Variants in ANKH observed in about 807,000 individuals in gnomAD.
The protein encoded by ANKH is mineralization regulator ANKH.
A neutral mutation model predicts 49.0 loss-of-function variants in ANKH; 15 were observed. The observed-to-expected ratio is 0.31, with a 90% CI of 0.20 to 0.47. ANKH has a LOEUF of 0.47. ANKH is among the 20% of genes least tolerant of loss of function. The pLI is 1.00. For synonymous variants in ANKH, 273 were observed against 260.0 expected (o/e 1.05, Z -0.48); for missense variants, 429 against 652.0 (o/e 0.66, Z 3.72).
rs537386752 is a variant in ANKH at position 14,777,645 on chromosome 5, C to A, written c.97-8454G>T. Among the ~76,000 whole-genome samples the A allele has an allele frequency of 6.6e-5, 10 of 152,284 alleles. No individual in the cohort carries two copies. In the South Asian group the frequency reaches 1.5e-3, roughly 22 times the overall value. On this transcript the variant is annotated intron_variant, in intron 1 of 11. Transcript: ENST00000284268. ...ACAGGAGGCACCAATTCACCCCAAT[C>A]CTGCCAGTCATTTTATGCTAATGCT...
intron 1 of ANKH, among the ~76,000 whole-genome samples, chr5:14,848,471 GCA>G: frequency 6.6e-6 from 1 of 152,268 alleles, no homozygotes. Flanking sequence ...TCTTGCAACT[GCA>G]CACTCTTCTG....
chr5:14,826,705 T>C (rs1741351685), intron 1 of ANKH, among the ~76,000 whole-genome samples: 1 of 152,230 alleles, frequency 6.6e-6, no homozygotes, highest in Non-Finnish European at 1.5e-5. Context: ...AATTTGACTG[T>C]TGCATGCCAA....
chr5:14,749,048 G>T (rs1738629200), intron 6 of ANKH, 124 bp downstream of exon 6: 2 of 1,362,506 alleles, frequency 1.5e-6, no homozygotes, highest in South Asian at 1.2e-5. Context: ...TTCCTAGTGT[G>T]ACTGTCATGT....
chr5:14,779,934 A>C (rs1739754670), intron 1 of ANKH, among the ~76,000 whole-genome samples: 1 of 152,092 alleles, frequency 6.6e-6, no homozygotes, highest in Non-Finnish European at 1.5e-5. Context: ...ATTTTTTTCA[A>C]CTCTTTTTGG....
At chr5:14,721,929 CAAAAAA>C (rs35821509) in intron 8 of ANKH, among the ~76,000 whole-genome samples, 6 of 59,454 alleles carry the variant, frequency 1.0e-4, no homozygotes, top group Admixed American at 7.2e-4. Flanking sequence ...GACTCCGTCT[CAAAAAA>C]AAAAAAAAAA....
At chr5:14,767,106 G>T (rs755361494) in intron 2 of ANKH, among the ~76,000 whole-genome samples, 2 of 152,222 alleles carry the variant, frequency 1.3e-5, no homozygotes, top group African/African-American at 2.4e-5. Context: ...GAATGGCTGG[G>T]GGGTGGAGAG....
chr5:14,723,026 A>C lies in ANKH; in HGVS notation c.1012-6191T>G, dbSNP rs914044389. On this transcript the variant is annotated intron_variant, in intron 8 of 11. Transcript: ENST00000284268. ...AACGCACATTGAGGGACCTTCTACC[A>C]AATACCCGACCAGAACTCCTCAAAA... is the stretch of plus-strand genomic sequence containing the variant. 2.6e-5 allele frequency among the ~76,000 whole-genome samples: 4 copies of C among 152,090 alleles called. 1 individual carries two copies. Among genetic ancestry groups the C allele is most frequent in the African/African-American group, 7.2e-5 (3 of 41,386 alleles).
chr5:14,777,779 C>T (rs775576721), intron 1 of ANKH, among the ~76,000 whole-genome samples: 3 of 152,206 alleles, frequency 2.0e-5, no homozygotes, highest in Non-Finnish European at 4.4e-5. Context: ...AGCTGCTCAG[C>T]TCATCTCCTG....
At chr5:14,846,696 G>T (rs1741970024) in intron 1 of ANKH, among the ~76,000 whole-genome samples, 1 of 152,104 alleles carries the variant, frequency 6.6e-6, no homozygotes, top group South Asian at 2.1e-4. Context: ...GCATGGTTAA[G>T]AATGAACCTC....
intron 1 of ANKH, among the ~76,000 whole-genome samples, chr5:14,866,083 T>C (rs1417205104): frequency 6.6e-6 from 1 of 152,204 alleles, no homozygotes; most frequent in Admixed American, 6.5e-5. Context: ...CTCAGCTCAC[T>C]GCAACCTCCG....
intron 2 of ANKH, among the ~76,000 whole-genome samples, chr5:14,762,732 T>C (rs697575): frequency 0.35 from 45,850 of 131,634 alleles, 7,459 homozygotes; most frequent in Middle Eastern, 0.43. Flanking sequence ...GCTAGAGCTA[T>C]TGGGGGGGTG....
chr5:14,869,320 T>C (rs907091639), intron 1 of ANKH: 4 of 152,200 alleles, frequency 2.6e-5, no homozygotes, highest in Admixed American at 6.5e-5. Flanking sequence ...AAAACAATTA[T>C]CATCTGACAC....
At chr5:14,829,816 A>G (rs1181318584) in intron 1 of ANKH, among the ~76,000 whole-genome samples, 1 of 152,218 alleles carries the variant, frequency 6.6e-6, no homozygotes, top group African/African-American at 2.4e-5. Context: ...TAAAACATGA[A>G]TACCTTCTGT....
At chr5:14,747,386 C>G (rs1331068952) in intron 6 of ANKH, among the ~76,000 whole-genome samples, 1 of 152,078 alleles carries the variant, frequency 6.6e-6, no homozygotes. Flanking sequence ...TCGAGACCAG[C>G]CTGGACAACA....
intron 1 of ANKH, among the ~76,000 whole-genome samples, chr5:14,816,559 C>T (rs535453022): frequency 2.6e-5 from 4 of 152,200 alleles, no homozygotes; most frequent in East Asian, 3.9e-4. Flanking sequence ...CTTATAAAAG[C>T]GACGTAAAAG....
At chr5:14,822,233 T>C (rs1741216408) in intron 1 of ANKH, among the ~76,000 whole-genome samples, 1 of 152,220 alleles carries the variant, frequency 6.6e-6, no homozygotes, top group Non-Finnish European at 1.5e-5. Context: ...AAGGAATATC[T>C]CAATAATAAT....
intron 8 of ANKH, among the ~76,000 whole-genome samples, chr5:14,740,105 G>T (rs1415244130): frequency 6.6e-6 from 1 of 152,178 alleles, no homozygotes; most frequent in Non-Finnish European, 1.5e-5. Flanking sequence ...TCTAGCAGCG[G>T]AAAGATGTTA....
intron 1 of ANKH, among the ~76,000 whole-genome samples, chr5:14,839,546 G>A (rs1033227692): frequency 7.4e-5 from 11 of 148,276 alleles, no homozygotes; most frequent in East Asian, 2.0e-4. Flanking sequence ...CCTTTCTTTC[G>A]TCTTCAGTAT....
chr5:14,739,912 A>G (rs1561032054), intron 8 of ANKH, among the ~76,000 whole-genome samples: 1 of 152,250 alleles, frequency 6.6e-6, no homozygotes, highest in Non-Finnish European at 1.5e-5. Flanking sequence ...TAGATAGAGG[A>G]TTAGAATAAT....
Sources: gnomAD v4.1 joint callset for allele counts (sites outside exome capture counted in the v4.1 genomes callset) on GRCh38, gnomAD v4.1.1 for gene constraint, MANE v1.5 for transcripts, NCBI Gene and HGNC (gene_info 2026-07-23, HGNC 2026-07-21) for gene names.